Variants in QKI observed in about 807,000 individuals in gnomAD.
The protein encoded by QKI is QKI, KH domain containing RNA binding.
In QKI, 10 loss-of-function variants were observed where a neutral mutation model predicts 39.0. The observed-to-expected ratio is 0.26, with a 90% CI of 0.16 to 0.43. The LOEUF (loss-of-function observed/expected upper bound fraction) is 0.43, where lower values mean the gene tolerates loss of function less well. Among genes scored for constraint, QKI ranks in the 20% least tolerant of loss-of-function variants. QKI has a pLI of 1.00. For missense variants in QKI, 218 were observed against 428.0 expected, an observed-to-expected ratio of 0.51 and a Z score of 4.33; for synonymous variants, 204 against 155.4, an observed-to-expected ratio of 1.31 and a Z score of -2.33.
rs1257568663 is a variant in QKI, at chr6:163,415,007, T to G, written c.-187T>G. On this transcript the variant is annotated 5_prime_UTR_variant, in exon 1 of 8. Coordinates refer to ENST00000361752, the MANE Select transcript of QKI (RefSeq NM_006775.3). ...GCGTCGGGCCCGGGCGGAAAGTGCC[T>G]GCGGGGGGCGGGCGAGCGCGCGGTG... 2.2e-6 allele frequency: 1 copy of G among 464,982 alleles called. No homozygotes were observed. Among genetic ancestry groups the G allele is most frequent in the Non-Finnish European group, 2.8e-6 (1 of 358,284 alleles). 28.8% of individuals were successfully genotyped at this position (464,982 alleles called of 1,614,324 possible). A position where few individuals can be genotyped will look rare whatever the true frequency, so the allele number is the denominator to read the frequency against.
intron 3 of QKI, among the ~76,000 whole-genome samples, chr6:163,500,969 A>C (rs74599348): frequency 0.043 from 6,596 of 152,200 alleles, 170 homozygotes; most frequent in African/African-American, 0.073. Context: ...TAACACCCAC[A>C]TGTAGCTTCT....
intron 1 of QKI, among the ~76,000 whole-genome samples, chr6:163,448,122 C>A (rs1032014951): frequency 6.6e-6 from 1 of 152,108 alleles, no homozygotes; most frequent in African/African-American, 2.4e-5. Flanking sequence ...TCAGGAAAAT[C>A]GAATTAACAT....
chr6:163,574,129 T>G lies in QKI; in HGVS notation c.*3419T>G, dbSNP rs886278019. 1.1e-4 allele frequency: 17 copies of G among 152,190 alleles called. No homozygotes were observed. The highest frequency in any genetic ancestry group is 4.1e-4 in the African/African-American group (17 of 41,442). The allele number at this position is 152,190 out of a possible 1,614,324, so 9.4% of individuals were successfully genotyped here. ...TCTGCATTACTAATTCCACACCTTATTTTTCCTTCTCCAAAATAATCACTG... is the reference window on the plus strand; with the variant it reads ...TCTGCATTACTAATTCCACACCTTAGTTTTCCTTCTCCAAAATAATCACTG... On this transcript the variant is annotated 3_prime_UTR_variant, in exon 8 of 8. Transcript: ENST00000361752.
intron 1 of QKI, among the ~76,000 whole-genome samples, chr6:163,444,666 A>T (rs1790012081): frequency 6.6e-6 from 1 of 152,238 alleles, no homozygotes; most frequent in Admixed American, 6.5e-5. Flanking sequence ...TAACGAATAT[A>T]TTAAGCACTT....
intron 1 of QKI, among the ~76,000 whole-genome samples, chr6:163,419,712 G>T (rs78556700): frequency 7.2e-5 from 11 of 152,222 alleles, no homozygotes; most frequent in Middle Eastern, 6.8e-3. Flanking sequence ...TAGGTGGAAC[G>T]TGATTCCTTT....
At chr6:163,523,303 A>C (rs2128238176) in intron 3 of QKI, among the ~76,000 whole-genome samples, 1 of 152,364 alleles carries the variant, frequency 6.6e-6, no homozygotes, top group Non-Finnish European at 1.5e-5. Context: ...GTAGAAAAAT[A>C]CACATGTGGA....
At chr6:163,559,975 T>G (rs1162725930) in intron 4 of QKI, among the ~76,000 whole-genome samples, 1 of 152,128 alleles carries the variant, frequency 6.6e-6, no homozygotes, top group Non-Finnish European at 1.5e-5. Flanking sequence ...TGGGGGGCAG[T>G]TAGTTCTATC....
rs1409098442 is a variant in QKI at position 163,534,984 on chromosome 6, G to A, written c.405G>A (p.Glu135=). Residue 135 remains glutamate, a splice_region_variant and synonymous_variant, in exon 4 of 8, where the codon GAG becomes GAA. Transcript: ENST00000361752. The part of the protein sequence containing the change: ...GKGSMRDKKK[E]EQNRGKPNWE... Reference sequence around the variant, plus strand: ...CATGTACTCTGTAAATTTTTTAGGAGGAGCAAAATAGAGGCAAGCCCAATT... The same window carrying A: ...CATGTACTCTGTAAATTTTTTAGGAAGAGCAAAATAGAGGCAAGCCCAATT... The A allele has an allele frequency of 6.3e-6, 10 of 1,593,774 alleles. No individual in the cohort carries two copies. In the African/African-American group the frequency reaches 6.8e-5, roughly 11 times the overall value.
At chr6:163,415,614 C>T (rs1198501586) in intron 1 of QKI, among the ~76,000 whole-genome samples, 3 of 151,806 alleles carry the variant, frequency 2.0e-5, no homozygotes, top group South Asian at 4.1e-4. Context: ...CGGGGTGAGC[C>T]CTGCGGCCCC....
At chr6:163,415,371 C>T in intron 1 of QKI, 36 bp downstream of exon 1, 1 of 1,560,560 alleles carries the variant, frequency 6.4e-7, no homozygotes, top group Non-Finnish European at 8.7e-7. Context: ...CGGCCCGACC[C>T]CCGCCGGGGC....
chr6:163,479,280 C>CA (rs1373655364), intron 3 of QKI, among the ~76,000 whole-genome samples: 2 of 152,190 alleles, frequency 1.3e-5, no homozygotes, highest in African/African-American at 4.8e-5. Context: ...AGCTCTGTCT[C>CA]AAAAACGAAC....
chr6:163,519,952 T>G (rs1780049849), intron 3 of QKI, among the ~76,000 whole-genome samples: 1 of 152,188 alleles, frequency 6.6e-6, no homozygotes. Context: ...GTAGAGTTAC[T>G]TTTTGTCTTA....
intron 3 of QKI, 117 bp downstream of exon 3, chr6:163,479,013 CG>C: frequency 2.5e-6 from 2 of 796,998 alleles, no homozygotes; most frequent in East Asian, 2.9e-5. Flanking sequence ...AGGCCGGGCG[CG>C]GTGGCTCACG....
At chr6:163,561,742 G>A (rs866622369) in intron 4 of QKI, among the ~76,000 whole-genome samples, 3 of 151,940 alleles carry the variant, frequency 2.0e-5, no homozygotes, top group African/African-American at 4.8e-5. Flanking sequence ...TTAATAAATC[G>A]GTGTAACTGA....
At chr6:163,415,854 CGTGGTTGGGGAGTTG>C (rs1462676821) in intron 1 of QKI, 1 of 495,314 alleles carries the variant, frequency 2.0e-6, no homozygotes, top group Non-Finnish European at 4.0e-6. Context: ...AGCGGGGTTT[CGTGGTTGGGGAGTTG>C]GTGCAGCTGT....
chr6:163,487,752 C>G (rs1231495030), intron 3 of QKI, among the ~76,000 whole-genome samples: 1 of 151,856 alleles, frequency 6.6e-6, no homozygotes, highest in African/African-American at 2.4e-5. Context: ...TTCAGCTCTC[C>G]CACCTTCTCT....
intron 3 of QKI, among the ~76,000 whole-genome samples, chr6:163,515,637 TG>T (rs1779745623): frequency 1.3e-5 from 2 of 152,146 alleles, no homozygotes; most frequent in Admixed American, 1.3e-4. Context: ...TCTGTATATT[TG>T]ATTAGTGATA....
chr6:163,506,958 C>T (rs1191424370), intron 3 of QKI, among the ~76,000 whole-genome samples: 1 of 152,106 alleles, frequency 6.6e-6, no homozygotes, highest in Non-Finnish European at 1.5e-5. Flanking sequence ...ATCCTGTGGC[C>T]ACAAGCACAT....
At chr6:163,427,594 T>A (rs1401495869) in intron 1 of QKI, among the ~76,000 whole-genome samples, 1 of 152,070 alleles carries the variant, frequency 6.6e-6, no homozygotes, top group Non-Finnish European at 1.5e-5. Flanking sequence ...ACTTACTGCT[T>A]CTATTAGCTT....
Sources: gnomAD v4.1 joint callset for allele counts (sites outside exome capture counted in the v4.1 genomes callset) on GRCh38, gnomAD v4.1.1 for gene constraint, MANE v1.5 for transcripts, NCBI Gene and HGNC (gene_info 2026-07-23, HGNC 2026-07-21) for gene names.